NT5C1B: variants seen among roughly 807,000 people sequenced by gnomAD.
The protein encoded by NT5C1B is 5'-nucleotidase, cytosolic IB, also known as cytosolic 5'-nucleotidase 1B.
Under a neutral mutation model 57.8 loss-of-function variants are expected in NT5C1B, and 44 were observed. That is an observed-to-expected ratio of 0.76 (90% confidence interval 0.60 to 0.98). The LOEUF is 0.98. Among genes scored for constraint, NT5C1B ranks in the 50% least tolerant of loss-of-function variants. The probability of loss-of-function intolerance (pLI) is 0.00; values close to 1 mark genes in which losing one functional copy is unlikely to be tolerated. For synonymous variants in NT5C1B, 284 were observed against 282.6 expected (o/e 1.00, Z -0.05); for missense variants, 742 against 719.5 (o/e 1.03, Z -0.36).
At chr2:18,586,521 C>G (rs1666726540) in intron 2 of NT5C1B, 130 bp from the exon 3 acceptor site, 1 of 1,364,662 alleles carries the variant, frequency 7.3e-7, no homozygotes, top group African/African-American at 1.5e-5. Context: ...GCCTCAATGA[C>G]TCTTAACTCA....
At chr2:18,564,222 T>C in intron 8 of NT5C1B, 103 bp from the exon 9 acceptor site, 7 of 1,292,916 alleles carry the variant, frequency 5.4e-6, no homozygotes, top group South Asian at 2.3e-5. Flanking sequence ...AAGGATATAA[T>C]ACAGCATGAC....
At chr2:18,589,539 C>A (rs1031974450) in exon 1 of NT5C1B, 18 of 1,610,014 alleles carry the variant, frequency 1.1e-5, no homozygotes, top group Non-Finnish European at 1.4e-5. Context: ...CCTGTCACTT[C>A]CCTTGCTCAG....
intron 3 of NT5C1B, among the ~76,000 whole-genome samples, chr2:18,585,502 A>T (rs1666619249): frequency 6.6e-6 from 1 of 152,130 alleles, no homozygotes; most frequent in Non-Finnish European, 1.5e-5. Context: ...TGATGTAGTG[A>T]TGGCTGGGAA....
chr2:18,583,985 G>T, intron 5 of NT5C1B, 103 bp downstream of exon 5: 1 of 1,597,374 alleles, frequency 6.3e-7, no homozygotes. Context: ...GACAAGGGTG[G>T]GCTAGGAATG....
intron 6 of NT5C1B, among the ~76,000 whole-genome samples, chr2:18,577,673 A>C (rs1298240015): frequency 6.6e-6 from 1 of 151,950 alleles, no homozygotes; most frequent in African/African-American, 2.4e-5. Context: ...TCACAAATTA[A>C]CAACATAACA....
intron 8 of NT5C1B, among the ~76,000 whole-genome samples, chr2:18,575,795 G>A (rs1665615440): frequency 6.6e-6 from 1 of 152,130 alleles, no homozygotes; most frequent in African/African-American, 2.4e-5. Context: ...TGAAGTCAAG[G>A]ACAGAGATTC....
intron 8 of NT5C1B, 35 bp downstream of exon 8, chr2:18,576,149 G>A (rs958471407): frequency 1.9e-6 from 3 of 1,543,590 alleles, no homozygotes; most frequent in Non-Finnish European, 2.6e-6. Context: ...AAATAAATAA[G>A]TACATAAAAA....
chr2:18,587,210 C>G, intron 2 of NT5C1B: 2 of 1,584,516 alleles, frequency 1.3e-6, no homozygotes, highest in Non-Finnish European at 8.6e-7. Flanking sequence ...ATGCCATGGC[C>G]AGACCCCCTC....
At chr2:18,576,090 A>G in intron 8 of NT5C1B, 94 bp downstream of exon 8, 4 of 1,325,770 alleles carry the variant, frequency 3.0e-6, no homozygotes, top group Non-Finnish European at 4.0e-6. Flanking sequence ...TGCCTAGAAT[A>G]ACTTAAACAT....
Position 18,584,759 on chromosome 2 carries a change from T to C in NT5C1B, c.478A>G (p.Ile160Val). The C allele has an allele frequency of 6.2e-7, 1 of 1,613,602 alleles. No homozygotes were observed. Among genetic ancestry groups the C allele is most frequent in the Non-Finnish European group, 8.5e-7 (1 of 1,179,766 alleles). The stretch of plus-strand genomic sequence containing the variant: ...CGGGTCTGGCGGATTTCCCGCACGA[T>C]GCCTTGGGCCCAGGCCTCCGGATTC... The change falls in exon 4 of 9, where the codon ATC (isoleucine) becomes GTC (valine). Residue 160 changes from isoleucine to valine, a missense_variant. Transcript: ENST00000304081. This position sits in a 1 kb window ranked among gnomAD's most constrained non-coding sequence, Gnocchi z 5.8.
exon 1 of NT5C1B, chr2:18,589,516 C>T (rs764474576): frequency 8.1e-6 from 13 of 1,613,304 alleles, no homozygotes; most frequent in South Asian, 1.1e-5. Flanking sequence ...TTTTTGTCTC[C>T]CCAGCTCCAT....
At chr2:18,568,689 C>T (rs1163236474) in intron 8 of NT5C1B, among the ~76,000 whole-genome samples, 3 of 152,208 alleles carry the variant, frequency 2.0e-5, no homozygotes, top group Non-Finnish European at 2.9e-5. Context: ...AGCTTAGAGA[C>T]AACCTGCCTC....
chr2:18,573,190 C>T (rs1572332303), intron 8 of NT5C1B, among the ~76,000 whole-genome samples: 1 of 151,992 alleles, frequency 6.6e-6, no homozygotes, highest in Non-Finnish European at 1.5e-5. Flanking sequence ...CAGATTGCAT[C>T]GTGTATGATT....
At chr2:18,588,902 A>G (rs556760552) in intron 1 of NT5C1B, among the ~76,000 whole-genome samples, 2 of 152,268 alleles carry the variant, frequency 1.3e-5, no homozygotes, top group South Asian at 2.1e-4. Context: ...ACTATGTTCT[A>G]CTAATACCAA....
chr2:18,583,877 C>A (rs1305989295), intron 5 of NT5C1B: 1 of 795,038 alleles, frequency 1.3e-6, no homozygotes, highest in South Asian at 1.5e-5. Flanking sequence ...GACTAACATA[C>A]CAAATCTAGG....
At chr2:18,589,272 C>A (rs888030543) in intron 1 of NT5C1B, among the ~76,000 whole-genome samples, 167 bp downstream of exon 1, 1 of 152,182 alleles carries the variant, frequency 6.6e-6, no homozygotes, top group African/African-American at 2.4e-5. Context: ...CTTCCCTTTT[C>A]TGTACTCTTT....
chr2:18,575,160 A>T (rs1347356617), intron 8 of NT5C1B, among the ~76,000 whole-genome samples: 1 of 152,058 alleles, frequency 6.6e-6, no homozygotes. Flanking sequence ...CCACATTTCA[A>T]TAATGGTGAA....
Position 18,586,369 on chromosome 2 carries a change from C to T in NT5C1B, c.143G>A (p.Arg48Gln), listed in dbSNP as rs142174343. Residue 48 changes from arginine to glutamine, a missense_variant, in exon 3 of 9, where the codon CGG becomes CAG. Coordinates refer to ENST00000304081, the Ensembl canonical transcript of NT5C1B. The stretch of plus-strand genomic sequence containing the variant: ...AAGGTACCCTCGAGAGTCTGTCTTC[C>T]GCAGTGATGATTCTTGTGATCCCTG... 1.6e-4 allele frequency: 253 copies of T among 1,614,036 alleles called. 1 individual carries two copies. The highest frequency in any genetic ancestry group is 5.2e-4 in the Admixed American group (31 of 60,014).
At chr2:18,577,982 T>C (rs936761506) in intron 6 of NT5C1B, among the ~76,000 whole-genome samples, 1 of 152,084 alleles carries the variant, frequency 6.6e-6, no homozygotes, top group Admixed American at 6.6e-5. Flanking sequence ...CCTCAGAGAT[T>C]GTTACAGACA....
Sources: allele counts gnomAD v4.1 joint callset (sites outside exome capture counted in the v4.1 genomes callset), GRCh38; gene constraint gnomAD v4.1.1; non-coding constraint Gnocchi (gnomAD v3.1); transcripts MANE v1.5; gene names NCBI Gene and HGNC (gene_info 2026-07-23, HGNC 2026-07-21).